The following CTNNA2 variants were observed in gnomAD, a reference collection of about 807,000 sequenced individuals.
CTNNA2 encodes catenin alpha 2, also known as catenin alpha-2.
Under a neutral mutation model 101.0 loss-of-function variants are expected in CTNNA2, and 42 were observed. The observed-to-expected ratio is 0.42, with a 90% CI of 0.32 to 0.54. The LOEUF is 0.54. CTNNA2 is among the 20% of genes least tolerant of loss of function. The pLI, the probability that CTNNA2 is intolerant of heterozygous loss-of-function variation, is 0.14. For synonymous variants in CTNNA2, 450 were observed against 456.4 expected, an observed-to-expected ratio of 0.99 and a Z score of 0.18; for missense variants, 871 against 1,223.1, an observed-to-expected ratio of 0.71 and a Z score of 4.29.
intron 7 of CTNNA2, among the ~76,000 whole-genome samples, chr2:80,229,429 C>T (rs746262805): frequency 7.9e-5 from 12 of 151,766 alleles, no homozygotes; most frequent in East Asian, 1.9e-4. Flanking sequence ...GCTCACATCA[C>T]GCAAGAAAAG....
At chr2:79,643,367 C>T (rs1472485586) in intron 1 of CTNNA2, among the ~76,000 whole-genome samples, 1 of 152,128 alleles carries the variant, frequency 6.6e-6, no homozygotes, top group East Asian at 1.9e-4. Flanking sequence ...TTCCTGATTA[C>T]AACAGTGGTT....
chr2:79,574,660 G>T (rs185187105), intron 1 of CTNNA2, among the ~76,000 whole-genome samples: 44 of 152,264 alleles, frequency 2.9e-4, no homozygotes, highest in African/African-American at 9.9e-4. Context: ...GCTTTCATGA[G>T]TAGGGCTGCA....
At chr2:80,636,365 T>C (rs536220745) in intron 18 of CTNNA2, among the ~76,000 whole-genome samples, 15 of 152,248 alleles carry the variant, frequency 9.9e-5, no homozygotes, top group African/African-American at 2.6e-4. Context: ...TGTAGCAAAA[T>C]ACAGTTAAAG....
At chr2:80,107,801 A>G (rs948219655) in intron 7 of CTNNA2, among the ~76,000 whole-genome samples, 4 of 152,184 alleles carry the variant, frequency 2.6e-5, no homozygotes, top group African/African-American at 9.6e-5. Context: ...TGGGGGTTGC[A>G]GACACCCCAC....
chr2:80,516,617 T>C (rs1007996649), intron 9 of CTNNA2, among the ~76,000 whole-genome samples: 1 of 152,212 alleles, frequency 6.6e-6, no homozygotes, highest in South Asian at 2.1e-4. Context: ...TGAACTTTTT[T>C]AGTGTTAAGC....
chr2:79,741,365 C>T (rs945648672), intron 2 of CTNNA2, among the ~76,000 whole-genome samples: 3 of 151,602 alleles, frequency 2.0e-5, no homozygotes, highest in Non-Finnish European at 4.4e-5. Flanking sequence ...TTTAAGTTTA[C>T]AGTAAAAAGA....
At chr2:80,220,651 C>G (rs1024817600) in intron 7 of CTNNA2, among the ~76,000 whole-genome samples, 1 of 152,192 alleles carries the variant, frequency 6.6e-6, no homozygotes, top group African/African-American at 2.4e-5. Flanking sequence ...GATAGTCACA[C>G]TTTGCAGTGA....
intron 2 of CTNNA2, among the ~76,000 whole-genome samples, chr2:79,686,659 C>T (rs954188452): frequency 1.3e-5 from 2 of 151,996 alleles, no homozygotes; most frequent in African/African-American, 4.8e-5. Context: ...AGCCATTAAA[C>T]AAACAAATGA....
rs376494036 is a variant in CTNNA2 at position 80,077,641 on chromosome 2, A to G, written c.1056+167844A>G. On this transcript the variant is annotated intron_variant, in intron 7 of 18. Coordinates refer to ENST00000402739, the MANE Select transcript of CTNNA2 (RefSeq NM_001282597.3). ...AGCAAAACAAAACCTACGGATACACATAATTAAACAGATGAAGCTCAACAT... is the reference window on the plus strand; with the variant it reads ...AGCAAAACAAAACCTACGGATACACGTAATTAAACAGATGAAGCTCAACAT... Among the ~76,000 whole-genome samples the G allele has an allele frequency of 6.6e-5, 10 of 152,050 alleles. No homozygotes were observed. In the South Asian group the frequency reaches 2.1e-3, roughly 32 times the overall value.
chr2:80,560,501 G>A (rs1693486128), intron 12 of CTNNA2, among the ~76,000 whole-genome samples: 1 of 152,132 alleles, frequency 6.6e-6, no homozygotes, highest in African/African-American at 2.4e-5. Flanking sequence ...TATTAATTGC[G>A]TAATATATGC....
Position 80,071,565 on chromosome 2 carries a change from G to A in CTNNA2, c.1056+161768G>A, listed in dbSNP as rs1338762652. Among the ~76,000 whole-genome samples, 4 of 139,808 alleles carry A rather than the reference G, an allele frequency of 2.9e-5. No individual in the cohort carries two copies. The East Asian group carries it at 7.7e-4, about 27-fold the overall frequency. The allele number at this position is 139,808 out of a possible 152,430, so 91.7% of individuals were successfully genotyped here. On this transcript the variant is annotated intron_variant, in intron 7 of 18. Coordinates refer to ENST00000402739, the MANE Select transcript of CTNNA2 (RefSeq NM_001282597.3). ...GTGAGGTGGTGTGTGGACCTGAGAT[G>A]AAAACCACTTGATGTGTGGTTGGAG...
chr2:79,650,830 C>T (rs1265810095), intron 1 of CTNNA2, among the ~76,000 whole-genome samples: 7 of 134,984 alleles, frequency 5.2e-5, no homozygotes, highest in Admixed American at 8.4e-5. Flanking sequence ...TGTTCCCCTT[C>T]CTGTGTCCAT....
chr2:80,391,006 T>A (rs1677457383), intron 7 of CTNNA2, among the ~76,000 whole-genome samples: 1 of 151,696 alleles, frequency 6.6e-6, no homozygotes, highest in Admixed American at 6.6e-5. Flanking sequence ...GTGGCACATG[T>A]CTGTAATCCC....
chr2:80,146,935 TTTTATTTATTTATTTA>T (rs71386614), intron 7 of CTNNA2, among the ~76,000 whole-genome samples: 5,310 of 131,446 alleles, frequency 0.04, 326 homozygotes, highest in African/African-American at 0.13. Flanking sequence ...GTATTTTGTA[TTTTATTTATTTATTTA>T]TTTATTTATT....
chr2:80,633,246 G>T (rs1263208363), intron 18 of CTNNA2, among the ~76,000 whole-genome samples: 2 of 152,104 alleles, frequency 1.3e-5, no homozygotes, highest in African/African-American at 2.4e-5. Flanking sequence ...TAAATAAGTG[G>T]TATATAACGT....
At chr2:80,420,980 C>G (rs1310226622) in intron 9 of CTNNA2, among the ~76,000 whole-genome samples, 1 of 152,176 alleles carries the variant, frequency 6.6e-6, no homozygotes, top group East Asian at 1.9e-4. Flanking sequence ...ATCAGGCAAG[C>G]CTTCTATCAC....
At chr2:79,704,845 A>T (rs1242012215) in intron 2 of CTNNA2, among the ~76,000 whole-genome samples, 4 of 152,020 alleles carry the variant, frequency 2.6e-5, no homozygotes, top group Non-Finnish European at 5.9e-5. Flanking sequence ...TGCCCTCTCT[A>T]CCCCTTTCAA....
intron 4 of CTNNA2, among the ~76,000 whole-genome samples, chr2:79,385,495 CTTTATTTTAT>C (rs201553740): frequency 7.3e-5 from 11 of 151,100 alleles, no homozygotes; most frequent in South Asian, 6.3e-4. Context: ...TAAATAGGGT[CTTTATTTTAT>C]TTTATTTTAT....
intron 8 of CTNNA2, among the ~76,000 whole-genome samples, chr2:80,399,772 A>G (rs1678382275): frequency 6.6e-6 from 1 of 152,204 alleles, no homozygotes; most frequent in Non-Finnish European, 1.5e-5. Flanking sequence ...AAGAATCCTG[A>G]TCCTGAGACT....
Sources: gnomAD v4.1 joint callset for allele counts (sites outside exome capture counted in the v4.1 genomes callset) on GRCh38, gnomAD v4.1.1 for gene constraint, MANE v1.5 for transcripts, NCBI Gene and HGNC (gene_info 2026-07-23, HGNC 2026-07-21) for gene names.